Variants in COLQ observed in about 807,000 individuals in gnomAD.
The protein encoded by COLQ is collagen like tail subunit of asymmetric acetylcholinesterase.
COLQ carries 48 observed loss-of-function variants against 69.0 expected under a neutral mutation model. The observed-to-expected ratio is 0.70, with a 90% confidence interval of 0.55 to 0.88. The LOEUF (loss-of-function observed/expected upper bound fraction) is 0.88. COLQ is among the 40% of genes least tolerant of loss of function. The pLI, the probability that COLQ is intolerant of heterozygous loss-of-function variation, is 0.00. For missense variants in COLQ, 618 were observed against 594.6 expected (o/e 1.04, Z -0.41); for synonymous variants, 217 against 211.2 (o/e 1.03, Z -0.24).
chr3:15,465,737 C>T (rs748252997), intron 12 of COLQ, among the ~76,000 whole-genome samples: 13 of 151,032 alleles, frequency 8.6e-5, no homozygotes, highest in Admixed American at 5.3e-4. Context: ...GGATTACAGC[C>T]GCGTGCCACC....
chr3:15,475,236 A>G, intron 7 of COLQ, 189 bp downstream of exon 7: 1 of 671,824 alleles, frequency 1.5e-6, no homozygotes, highest in Non-Finnish European at 2.6e-6. Flanking sequence ...AACAGCAGGA[A>G]TGGCATCCCT....
intron 11 of COLQ, among the ~76,000 whole-genome samples, chr3:15,468,772 G>A (rs1052682979): frequency 6.6e-6 from 1 of 152,138 alleles, no homozygotes; most frequent in African/African-American, 2.4e-5. Flanking sequence ...TCTAATCCTG[G>A]CTTTGAAGCT....
At chr3:15,499,968 T>G (rs779580786) in intron 1 of COLQ, among the ~76,000 whole-genome samples, 3 of 152,242 alleles carry the variant, frequency 2.0e-5, no homozygotes, top group Non-Finnish European at 2.9e-5. Context: ...GGCTCTCTTA[T>G]TGACATATTC....
At chr3:15,468,941 A>T (rs548921448) in intron 11 of COLQ, among the ~76,000 whole-genome samples, 9 of 152,290 alleles carry the variant, frequency 5.9e-5, no homozygotes, top group African/African-American at 2.2e-4. Context: ...TTGGCTTTGG[A>T]TTGACTTAAC....
chr3:15,474,648 C>T (rs1444580280), intron 8 of COLQ, among the ~76,000 whole-genome samples: 2 of 152,234 alleles, frequency 1.3e-5, no homozygotes, highest in Non-Finnish European at 2.9e-5. Flanking sequence ...TCTGTGCAAA[C>T]TGTGCTTATT....
At chr3:15,498,474 C>T in intron 1 of COLQ, 1 of 1,539,426 alleles carries the variant, frequency 6.5e-7, no homozygotes, top group Non-Finnish European at 8.8e-7. Context: ...TGCATCCACA[C>T]ACACACACAC....
At chr3:15,509,222 G>A (rs746490789) in intron 1 of COLQ, among the ~76,000 whole-genome samples, 4 of 152,206 alleles carry the variant, frequency 2.6e-5, no homozygotes, top group Non-Finnish European at 5.9e-5. Context: ...AGGAGGACCT[G>A]CACTAGGCAG....
intron 11 of COLQ, among the ~76,000 whole-genome samples, chr3:15,468,506 T>A (rs891317563): frequency 2.0e-5 from 3 of 151,906 alleles, no homozygotes; most frequent in African/African-American, 7.3e-5. Context: ...AATTTTTGTA[T>A]TTTTTAGTAG....
chr3:15,453,794 G>T lies in COLQ; in HGVS notation c.1298+35C>A, dbSNP rs1077827. 88,043 of 1,351,064 alleles carry T rather than the reference G, an allele frequency of 0.065. 5,089 individuals are homozygous for T. Among genetic ancestry groups the T allele is most frequent in the African/African-American group, 0.25 (16,976 of 69,276 alleles). The allele number at this position is 1,351,064 out of a possible 1,614,324, so 83.7% of individuals were successfully genotyped here. ...AAAGCAAAGAGGAGGGAGGGAGAAA[G>T]AAGGGGGAGAGGGAGGGAGGGGAGT... On this transcript the variant is annotated intron_variant, in intron 16 of 16. Coordinates refer to ENST00000383788, the MANE Select transcript of COLQ (RefSeq NM_005677.4).
chr3:15,513,235 T>C (rs1382057598), intron 1 of COLQ, among the ~76,000 whole-genome samples: 5 of 152,156 alleles, frequency 3.3e-5, no homozygotes, highest in Admixed American at 3.3e-4. Context: ...GAGCTATAAC[T>C]GTTACTGTCC....
In COLQ at chr3:15,451,193, C is replaced by T; in HGVS notation, c.*451G>A. 4.3e-6 allele frequency: 1 copy of T among 234,010 alleles called. No homozygotes were observed. The highest frequency in any genetic ancestry group is 8.6e-6 in the Non-Finnish European group (1 of 116,054). The allele number at this position is 234,010 out of a possible 1,614,324, so 14.5% of individuals were successfully genotyped here. The stretch of plus-strand genomic sequence containing the variant: ...CCTAGAGAGACCCGACAGCGGGCTG[C>T]CCAGTGTGAGTGAGAATGCCTGCAC... On this transcript the variant is annotated 3_prime_UTR_variant, in exon 17 of 17. Transcript: ENST00000383788.
intron 3 of COLQ, among the ~76,000 whole-genome samples, chr3:15,480,291 C>T (rs1366820833): frequency 6.6e-6 from 1 of 152,162 alleles, no homozygotes; most frequent in Non-Finnish European, 1.5e-5. Context: ...ACTAACTTGT[C>T]ATTCACATTA....
At chr3:15,455,816 C>A in intron 15 of COLQ, 83 bp downstream of exon 15, 1 of 1,585,522 alleles carries the variant, frequency 6.3e-7, no homozygotes, top group East Asian at 2.3e-5. Context: ...CCCAAAGCAC[C>A]ACAGCTGGTG....
chr3:15,455,755 G>A (rs1044617466), intron 15 of COLQ, 144 bp downstream of exon 15: 2 of 997,342 alleles, frequency 2.0e-6, no homozygotes, highest in African/African-American at 1.6e-5. Context: ...AGGGACTGGG[G>A]TGGGTGGCAC....
chr3:15,497,039 T>C (rs1249980291), intron 1 of COLQ, among the ~76,000 whole-genome samples: 1 of 84,808 alleles, frequency 1.2e-5, no homozygotes. Flanking sequence ...CTTTTGCCTT[T>C]TTTTTTTTTT....
intron 3 of COLQ, among the ~76,000 whole-genome samples, chr3:15,487,430 T>G (rs987811642): frequency 6.6e-6 from 1 of 151,852 alleles, no homozygotes; most frequent in Non-Finnish European, 1.5e-5. Context: ...CAGGCCGGAG[T>G]CCCCTCTTGT....
At chr3:15,482,939 G>A (rs966004770) in intron 3 of COLQ, among the ~76,000 whole-genome samples, 3 of 152,292 alleles carry the variant, frequency 2.0e-5, no homozygotes, top group Non-Finnish European at 4.4e-5. Flanking sequence ...TTAGTCTTGG[G>A]AGGGTGTATG....
chr3:15,465,035 G>A (rs137888310), intron 12 of COLQ, among the ~76,000 whole-genome samples: 9,366 of 151,824 alleles, frequency 0.062, 405 homozygotes, highest in Admixed American at 0.14. Context: ...TTAGCCAGGC[G>A]TGGTGGAAGG....
chr3:15,465,328 G>A (rs962181325), intron 12 of COLQ, among the ~76,000 whole-genome samples: 9 of 146,974 alleles, frequency 6.1e-5, no homozygotes, highest in East Asian at 2.0e-4. Context: ...GTGCAGTTGC[G>A]CGATCTCGAC....
Sources: gnomAD v4.1 joint callset for allele counts (sites outside exome capture counted in the v4.1 genomes callset) on GRCh38, gnomAD v4.1.1 for gene constraint, MANE v1.5 for transcripts, NCBI Gene and HGNC (gene_info 2026-07-23, HGNC 2026-07-21) for gene names.